Variants in GRIK4 observed in about 807,000 individuals in gnomAD.
GRIK4 encodes the protein glutamate receptor ionotropic, kainate 4.
GRIK4 carries 40 observed loss-of-function variants against 104.9 expected under a neutral mutation model. That is an observed-to-expected ratio of 0.38 (90% CI 0.30 to 0.50). The LOEUF is 0.50. Among genes scored for constraint, GRIK4 ranks in the 20% least tolerant of loss-of-function variants. The pLI is 0.93. For synonymous variants in GRIK4, 485 were observed against 524.9 expected (o/e 0.92, Z 1.04); for missense variants, 1,047 against 1,308.1 (o/e 0.80, Z 3.08).
At chr11:120,612,135 G>T (rs1949045295) in intron 1 of GRIK4, among the ~76,000 whole-genome samples, 1 of 152,062 alleles carries the variant, frequency 6.6e-6, no homozygotes, top group Admixed American at 6.5e-5. Context: ...ACCTTGTCCT[G>T]TATCACTTAC....
intron 1 of GRIK4, among the ~76,000 whole-genome samples, chr11:120,541,553 G>T (rs2136088169): frequency 2.0e-5 from 3 of 152,138 alleles, no homozygotes; most frequent in Middle Eastern, 6.8e-3. Flanking sequence ...GAGTGCAGTG[G>T]TGTGACCATG....
chr11:120,740,521 T>G (rs1951309801), intron 3 of GRIK4, among the ~76,000 whole-genome samples: 1 of 152,180 alleles, frequency 6.6e-6, no homozygotes, highest in African/African-American at 2.4e-5. Flanking sequence ...TGCCTCATCA[T>G]GCACTCCACC....
At chr11:120,558,672 CAA>C (rs1209856798) in intron 1 of GRIK4, among the ~76,000 whole-genome samples, 1 of 152,190 alleles carries the variant, frequency 6.6e-6, no homozygotes, top group African/African-American at 2.4e-5. Context: ...AAGGCACACA[CAA>C]GAGACAGGCA....
intron 8 of GRIK4, among the ~76,000 whole-genome samples, chr11:120,857,731 A>T (rs934184493): frequency 2.0e-5 from 3 of 152,182 alleles, no homozygotes; most frequent in African/African-American, 7.2e-5. Flanking sequence ...AGGCATTAAG[A>T]TGTCTTCAAT....
intron 1 of GRIK4, among the ~76,000 whole-genome samples, chr11:120,532,594 T>C (rs1000125778): frequency 3.9e-5 from 6 of 152,176 alleles, no homozygotes; most frequent in African/African-American, 1.4e-4. Context: ...CTTGTTTTTC[T>C]TGCTCTAGTG....
chr11:120,825,230 T>G (rs1953226991), intron 6 of GRIK4, among the ~76,000 whole-genome samples: 1 of 152,170 alleles, frequency 6.6e-6, no homozygotes, highest in South Asian at 2.1e-4. Context: ...CTGGCCTCTT[T>G]CTGAATATTT....
At chr11:120,588,571 A>T (rs779500938) in intron 1 of GRIK4, among the ~76,000 whole-genome samples, 5 of 152,082 alleles carry the variant, frequency 3.3e-5, no homozygotes, top group Non-Finnish European at 7.4e-5. Flanking sequence ...GGGAGGACTC[A>T]GTGAGGGGTG....
At chr11:120,975,382 T>C (rs895723164) in intron 19 of GRIK4, among the ~76,000 whole-genome samples, 1 of 152,174 alleles carries the variant, frequency 6.6e-6, no homozygotes, top group Admixed American at 6.5e-5. Context: ...ATTTAGATAG[T>C]GTTTCAGAGA....
intron 13 of GRIK4, among the ~76,000 whole-genome samples, chr11:120,911,640 A>T (rs1444504387): frequency 6.7e-6 from 1 of 148,892 alleles, no homozygotes; most frequent in African/African-American, 2.4e-5. Flanking sequence ...TCAGGAGTTC[A>T]AGACCAGCCT....
In GRIK4 at chr11:120,781,135, CT is replaced by C. The variant is rs59172541; in HGVS notation, c.83-21545del. On this transcript the variant is annotated intron_variant, in intron 3 of 20. Coordinates refer to ENST00000527524, the MANE Select transcript of GRIK4 (RefSeq NM_014619.5). ...TCTCCACTTTTTATGTCCTTTCTTT[CT>C]TTTTTTTTTTTTGGTTTGTTTGTTT... is the stretch of plus-strand genomic sequence containing the variant. 4.3e-3 allele frequency among the ~76,000 whole-genome samples: 587 copies of C among 135,792 alleles called. 1 individual carries two copies. Among genetic ancestry groups the C allele is most frequent in the African/African-American group, 6.5e-3 (245 of 37,542 alleles). 89.1% of individuals were successfully genotyped at this position (135,792 alleles called of 152,430 possible).
At chr11:120,778,519 A>G (rs1403738604) in intron 3 of GRIK4, among the ~76,000 whole-genome samples, 1 of 152,274 alleles carries the variant, frequency 6.6e-6, no homozygotes, top group Non-Finnish European at 1.5e-5. Flanking sequence ...TTTAAAACAT[A>G]AAGTTTTAAA....
At chr11:120,855,858 C>T (rs991362711) in intron 8 of GRIK4, among the ~76,000 whole-genome samples, 5 of 152,256 alleles carry the variant, frequency 3.3e-5, no homozygotes, top group African/African-American at 7.2e-5. Flanking sequence ...CCACCGCGCC[C>T]GGCCTATGGT....
chr11:120,801,817 C>T (rs773840219), intron 3 of GRIK4, among the ~76,000 whole-genome samples: 25 of 151,958 alleles, frequency 1.6e-4, no homozygotes, highest in Non-Finnish European at 3.4e-4. Flanking sequence ...TGTGTTGATC[C>T]CATGCCATAT....
At chr11:120,695,893 C>T (rs1248182297) in intron 3 of GRIK4, among the ~76,000 whole-genome samples, 1 of 152,184 alleles carries the variant, frequency 6.6e-6, no homozygotes, top group Non-Finnish European at 1.5e-5. Flanking sequence ...CCAGAGTGGG[C>T]CTGGGTGACC....
intron 19 of GRIK4, among the ~76,000 whole-genome samples, chr11:120,974,956 T>C: frequency 6.6e-6 from 1 of 152,268 alleles, no homozygotes; most frequent in East Asian, 1.9e-4. Context: ...GATGCTGGCA[T>C]CCCAATTCAA....
intron 3 of GRIK4, among the ~76,000 whole-genome samples, chr11:120,713,495 T>C (rs909184372): frequency 3.3e-5 from 5 of 152,210 alleles, no homozygotes; most frequent in African/African-American, 9.7e-5. Context: ...CATGTTGTAA[T>C]TGGCAAATGC....
intron 1 of GRIK4, among the ~76,000 whole-genome samples, chr11:120,528,971 G>T (rs1373293273): frequency 6.6e-6 from 1 of 152,052 alleles, no homozygotes; most frequent in East Asian, 1.9e-4. Context: ...AGTTTCCCAG[G>T]GTAGCTTTGG....
intron 4 of GRIK4, among the ~76,000 whole-genome samples, chr11:120,808,536 C>G (rs1952762738): frequency 6.6e-6 from 1 of 152,184 alleles, no homozygotes; most frequent in Non-Finnish European, 1.5e-5. Context: ...CGATGGCGGT[C>G]TTGAGTTCTT....
chr11:120,527,904 G>A (rs58418986), intron 1 of GRIK4, among the ~76,000 whole-genome samples: 52,238 of 152,114 alleles, frequency 0.34, 10,037 homozygotes, highest in African/African-American at 0.53. Flanking sequence ...CCCTTCAGCT[G>A]CTTTATCCTG....
Sources: gnomAD v4.1 joint callset for allele counts (sites outside exome capture counted in the v4.1 genomes callset) on GRCh38, gnomAD v4.1.1 for gene constraint, MANE v1.5 for transcripts, NCBI Gene and HGNC (gene_info 2026-07-23, HGNC 2026-07-21) for gene names.